Variants in KMT2C observed in about 807,000 individuals in gnomAD.
KMT2C encodes the protein lysine methyltransferase 2C.
Under a neutral mutation model 507.9 loss-of-function variants are expected in KMT2C, and 88 were observed. The ratio of observed to expected loss-of-function variants is 0.17; its 90% CI spans 0.15 to 0.21. KMT2C has a LOEUF of 0.21. Among genes scored for constraint, KMT2C ranks in the 10% least tolerant of loss-of-function variants. KMT2C has a pLI of 1.00. For missense variants in KMT2C, 4,954 were observed against 5,957.8 expected (o/e 0.83, Z 5.55); for synonymous variants, 2,049 against 2,080.8 (o/e 0.98, Z 0.42).
rs2129164373 is a variant in KMT2C at position 152,248,425 on chromosome 7, A to T, written c.2009T>A (p.Leu670Ter). ...GGATACCACTGTTTCAGGTTCCTCT[A>T]ACAACTGCAGTTGTTCTTGCTGCAC... ...ITVQQEQLQL[L>*]EEPETVVSRE... is the part of the protein sequence containing the mutation. Residue 670 changes from leucine to a stop codon, truncating the protein, a stop_gained, in exon 14 of 59, where the codon TTA (leucine) becomes TAA (stop). Coordinates refer to ENST00000262189, the MANE Select transcript of KMT2C (RefSeq NM_170606.3). LOFTEE classifies it high-confidence loss of function. 1 of 1,614,082 alleles carries T rather than the reference A, an allele frequency of 6.2e-7. No individual in the cohort carries two copies. The highest frequency in any genetic ancestry group is 8.5e-7 in the Non-Finnish European group (1 of 1,180,004).
intron 1 of KMT2C, among the ~76,000 whole-genome samples, chr7:152,384,561 C>CACT (rs2097404171): frequency 4.3e-5 from 6 of 139,878 alleles, no homozygotes; most frequent in African/African-American, 1.6e-4. Context: ...CCACCACCAC[C>CACT]ACCACCACCA....
In KMT2C at chr7:152,135,969, C is replaced by T. The variant is rs1184835979; in HGVS notation, c.*863G>A. 8.8e-6 allele frequency: 2 copies of T among 227,044 alleles called. No homozygotes were observed. Among genetic ancestry groups the T allele is most frequent in the African/African-American group, 2.2e-5 (1 of 44,946 alleles). The allele number at this position is 227,044 out of a possible 1,614,324, so 14.1% of individuals were successfully genotyped here. On this transcript the variant is annotated 3_prime_UTR_variant, in exon 59 of 59. Transcript: ENST00000262189. ...ATAACACAAAATTATATTGTAACAT[C>T]CCTATGAACATTTTATAAGCCCCCG...
At chr7:152,425,783 C>T (rs2097810607) in intron 1 of KMT2C, among the ~76,000 whole-genome samples, 1 of 151,940 alleles carries the variant, frequency 6.6e-6, no homozygotes, top group East Asian at 1.9e-4. Flanking sequence ...ACTAAAAGAA[C>T]ACCACCACAC....
At chr7:152,290,260 A>ATGTG (rs1243638318) in intron 6 of KMT2C, among the ~76,000 whole-genome samples, 448 of 18,642 alleles carry the variant, frequency 0.024, 2 homozygotes, top group Middle Eastern at 0.079. Flanking sequence ...GTGTATGTGT[A>ATGTG]TATATATATA....
At chr7:152,401,098 C>CTTT (rs200213396) in intron 1 of KMT2C, among the ~76,000 whole-genome samples, 1 of 139,744 alleles carries the variant, frequency 7.2e-6, no homozygotes, top group Non-Finnish European at 1.6e-5. Context: ...TATTCATTAA[C>CTTT]TTTTTTTTTT....
intron 1 of KMT2C, among the ~76,000 whole-genome samples, chr7:152,370,592 A>T (rs1431156363): frequency 2.0e-5 from 3 of 152,250 alleles, no homozygotes; most frequent in African/African-American, 7.2e-5. Flanking sequence ...TCCTAAGTGA[A>T]CATAAACACA....
At chr7:152,199,160 A>G in intron 27 of KMT2C, 119 bp downstream of exon 27, 1 of 737,814 alleles carries the variant, frequency 1.4e-6, no homozygotes, top group South Asian at 1.9e-5. Flanking sequence ...TTATACTTCA[A>G]TGCTGTTGAT....
chr7:152,310,011 T>C lies in KMT2C; in HGVS notation c.804A>G (p.Pro268=), dbSNP rs372839549. 98 of 1,613,962 alleles carry C rather than the reference T, an allele frequency of 6.1e-5. No individual in the cohort carries two copies. The East Asian group carries it at 1.2e-3, about 19-fold the overall frequency. The part of the protein sequence containing the change: ...WSLGVCQMEE[P]LLVNVDKAVV... ...CAGCTTTGTCCACGTTCACTAACAA[T>C]GGTTCTTCCATCTGGCATACTCCTA... The change falls in exon 6 of 59, where the codon CCA becomes CCG. Residue 268 remains proline (P), a synonymous_variant. Coordinates refer to ENST00000262189, the MANE Select transcript of KMT2C (RefSeq NM_170606.3).
intron 1 of KMT2C, among the ~76,000 whole-genome samples, chr7:152,417,315 A>G (rs1369717615): frequency 1.3e-5 from 2 of 152,000 alleles, no homozygotes; most frequent in Admixed American, 1.3e-4. Flanking sequence ...GATGGGTTTC[A>G]CCATGTTGGT....
chr7:152,222,254 T>G (rs1489621026), intron 21 of KMT2C, among the ~76,000 whole-genome samples, 188 bp from the exon 22 acceptor site: 2 of 152,192 alleles, frequency 1.3e-5, no homozygotes. Flanking sequence ...ACTCAAGTCA[T>G]GGAGGAAAAC....
intron 1 of KMT2C, among the ~76,000 whole-genome samples, chr7:152,433,836 T>C (rs1447893129): frequency 6.6e-6 from 1 of 152,284 alleles, no homozygotes; most frequent in Non-Finnish European, 1.5e-5. Flanking sequence ...GTAGGGTGTG[T>C]GCGAGTGTGC....
rs751194760 is a variant in KMT2C at position 152,163,234 on chromosome 7, A to G, written c.10343T>C (p.Val3448Ala). 1.9e-6 allele frequency: 3 copies of G among 1,614,174 alleles called. No homozygotes were observed. Among genetic ancestry groups the G allele is most frequent in the Admixed American group, 3.3e-5 (2 of 60,022 alleles). The change falls in exon 43 of 59, where the codon GTG (valine) becomes GCG (alanine). Residue 3448 changes from valine to alanine, a missense_variant. Val to Ala is a moderately conservative substitution (Grantham distance 64, BLOSUM62 0). Transcript: ENST00000262189. ...GGAACTGTAGAAGGGAATCTGGGAC[A>G]CAGATGTCCTACTACTACTTATCTC... ...GSEISSSRTS[V>A]SQIPFYSSDL...
At chr7:152,302,245 G>GT (rs747515275) in intron 6 of KMT2C, among the ~76,000 whole-genome samples, 60 of 151,720 alleles carry the variant, frequency 4.0e-4, no homozygotes, top group African/African-American at 1.2e-3. Context: ...AAAACACCTG[G>GT]TTTTTTTTGA....
intron 7 of KMT2C, 142 bp downstream of exon 7, chr7:152,273,563 T>C: frequency 6.9e-6 from 6 of 865,586 alleles, no homozygotes; most frequent in Non-Finnish European, 9.4e-6. Flanking sequence ...CAGCGATCCC[T>C]GGCAACGATC....
At chr7:152,396,221 C>T (rs1235606242) in intron 1 of KMT2C, among the ~76,000 whole-genome samples, 1 of 152,148 alleles carries the variant, frequency 6.6e-6, no homozygotes, top group South Asian at 2.1e-4. Context: ...TGGATTCTGA[C>T]CCACAACTAC....
chr7:152,171,255 C>T lies in KMT2C; in HGVS notation c.9453+9G>A, dbSNP rs2092951511. On this transcript the variant is annotated intron_variant, in intron 40 of 58. Coordinates refer to ENST00000262189, the MANE Select transcript of KMT2C (RefSeq NM_170606.3). ...GCATTCTAGAGGGACTCATTACAGGCAGTGTTACCTGAGGAATGGCCTGTG... is the reference window on the plus strand; with the variant it reads ...GCATTCTAGAGGGACTCATTACAGGTAGTGTTACCTGAGGAATGGCCTGTG... 2 of 1,589,284 alleles carry T rather than the reference C, an allele frequency of 1.3e-6. No homozygotes were observed. The highest frequency in any genetic ancestry group is 1.7e-6 in the Non-Finnish European group (2 of 1,164,456).
At chr7:152,262,860 G>T (rs2095802942) in intron 9 of KMT2C, among the ~76,000 whole-genome samples, 156 bp downstream of exon 9, 1 of 152,180 alleles carries the variant, frequency 6.6e-6, no homozygotes, top group Non-Finnish European at 1.5e-5. Context: ...TTATCTTGAA[G>T]AGTGTACAGT....
intron 2 of KMT2C, among the ~76,000 whole-genome samples, chr7:152,352,378 C>T (rs528498221): frequency 1.3e-5 from 2 of 152,240 alleles, no homozygotes; most frequent in South Asian, 2.1e-4. Context: ...CCTGTGATCT[C>T]GCCCTGCCTT....
rs892207137 is a variant in KMT2C, at chr7:152,227,795, G to A, written c.2976+2128C>T. Among the ~76,000 whole-genome samples, 11 of 152,272 alleles carry A rather than the reference G, an allele frequency of 7.2e-5. No individual in the cohort carries two copies. The East Asian group carries it at 1.9e-3, about 27-fold the overall frequency. On this transcript the variant is annotated intron_variant, in intron 18 of 58. Transcript: ENST00000262189. ...AGAAGCCCAAAGACCCACAACCAGG[G>A]GAAAGTACATCTACTGGGAATTTGT...
Sources: allele counts gnomAD v4.1 joint callset (sites outside exome capture counted in the v4.1 genomes callset), GRCh38; gene constraint gnomAD v4.1.1; transcripts MANE v1.5; gene names NCBI Gene and HGNC (gene_info 2026-07-23, HGNC 2026-07-21).